The following NEK5 variants were observed in gnomAD, a reference collection of about 807,000 sequenced individuals.
The protein encoded by NEK5 is NIMA related kinase 5.
In NEK5, 88 loss-of-function variants were observed where a neutral mutation model predicts 109.2. The ratio of observed to expected loss-of-function variants is 0.81; its 90% confidence interval spans 0.68 to 0.96. The LOEUF is 0.96. Among genes scored for constraint, NEK5 ranks in the 40% least tolerant of loss-of-function variants. The pLI is 0.00. For missense variants in NEK5, 834 were observed against 920.7 expected, an observed-to-expected ratio of 0.91 and a Z score of 1.22; for synonymous variants, 283 against 299.9, an observed-to-expected ratio of 0.94 and a Z score of 0.58.
intron 13 of NEK5, 105 bp from the exon 14 acceptor site, chr13:52,089,418 T>C (rs1955229073): frequency 4.5e-6 from 3 of 671,174 alleles, no homozygotes; most frequent in Non-Finnish European, 7.8e-6. Context: ...AATTCACCAG[T>C]GGCTTGAAGT....
At chr13:52,102,560 G>A (rs1955561888) in intron 9 of NEK5, among the ~76,000 whole-genome samples, 1 of 152,066 alleles carries the variant, frequency 6.6e-6, no homozygotes, top group Non-Finnish European at 1.5e-5. Context: ...GGGCTTGGTG[G>A]CATGAGCCTG....
chr13:52,092,025 C>A (rs1202604576), intron 13 of NEK5, among the ~76,000 whole-genome samples: 2 of 151,910 alleles, frequency 1.3e-5, no homozygotes, highest in Non-Finnish European at 2.9e-5. Flanking sequence ...ATTTTTTCAC[C>A]TGCCATATAG....
chr13:52,088,389 G>T (rs1955201325), intron 14 of NEK5, among the ~76,000 whole-genome samples: 1 of 151,868 alleles, frequency 6.6e-6, no homozygotes, highest in Non-Finnish European at 1.5e-5. Flanking sequence ...CAAGTAGCTG[G>T]GATTACAGGT....
chr13:52,057,565 C>A (rs1215361662), intron 22 of NEK5, among the ~76,000 whole-genome samples: 1 of 152,032 alleles, frequency 6.6e-6, no homozygotes, highest in Non-Finnish European at 1.5e-5. Context: ...TACTGGCAAA[C>A]CGAATCCAGC....
Position 52,076,147 on chromosome 13 carries a change from A to G in NEK5, c.1573-4T>C, listed in dbSNP as rs1954865580. On this transcript the variant is annotated splice_region_variant and splice_polypyrimidine_tract_variant and intron_variant, in intron 17 of 23. Coordinates refer to ENST00000684899, the MANE Select transcript of NEK5 (RefSeq NM_001365552.1). Reference sequence around the variant, plus strand: ...GTTTCAAGTCTTTTTCAATGTCCTGAAAATTTAGAGAAAAATACAATTCTC... The same window carrying G: ...GTTTCAAGTCTTTTTCAATGTCCTGGAAATTTAGAGAAAAATACAATTCTC... 1 of 1,542,522 alleles carries G rather than the reference A, an allele frequency of 6.5e-7. No individual in the cohort carries two copies. Among genetic ancestry groups the G allele is most frequent in the Non-Finnish European group, 8.9e-7 (1 of 1,123,016 alleles).
At chr13:52,048,623 G>A (rs1033579901) in intron 23 of NEK5, among the ~76,000 whole-genome samples, 5 of 152,156 alleles carry the variant, frequency 3.3e-5, no homozygotes, top group African/African-American at 1.2e-4. Flanking sequence ...TATATATACA[G>A]GATGGAATAC....
In NEK5 at chr13:52,033,785, A is replaced by G. The variant is rs1419393075; in HGVS notation, c.*3163T>C. The G allele has an allele frequency of 1.3e-5, 2 of 152,272 alleles. No homozygotes were observed. Among genetic ancestry groups the G allele is most frequent in the East Asian group, 3.8e-4 (2 of 5,206 alleles). The allele number at this position is 152,272 out of a possible 1,614,324, so 9.4% of individuals were successfully genotyped here. ...AGAATACTTGTGTTTATGTAAATAT[A>G]CCCCAGAGTCCAAAACTCTGATATA... On this transcript the variant is annotated 3_prime_UTR_variant, in exon 24 of 24. Coordinates refer to ENST00000684899, the MANE Select transcript of NEK5 (RefSeq NM_001365552.1).
intron 23 of NEK5, among the ~76,000 whole-genome samples, chr13:52,039,140 A>G (rs1306134656): frequency 2.0e-5 from 3 of 152,212 alleles, no homozygotes; most frequent in African/African-American, 7.2e-5. Flanking sequence ...GGGAGAGAGA[A>G]GGAGAGAAGG....
chr13:52,066,065 A>G (rs1431371776), intron 20 of NEK5, among the ~76,000 whole-genome samples: 1 of 151,968 alleles, frequency 6.6e-6, no homozygotes, highest in Non-Finnish European at 1.5e-5. Flanking sequence ...AATAATTTCA[A>G]TTTTTCCCTT....
chr13:52,114,803 T>A (rs1023231266), intron 4 of NEK5, among the ~76,000 whole-genome samples: 1 of 152,182 alleles, frequency 6.6e-6, no homozygotes, highest in Non-Finnish European at 1.5e-5. Flanking sequence ...TTTAGGAGAA[T>A]TGATGTTTCT....
chr13:52,063,047 TCCCCCTCTCCCCAC>T (rs1197460798), intron 21 of NEK5, among the ~76,000 whole-genome samples: 169 of 150,904 alleles, frequency 1.1e-3, no homozygotes, highest in African/African-American at 3.7e-3. Context: ...CTCCCCACGG[TCCCCCTCTCCCCAC>T]GGTCCCCCTC....
chr13:52,049,223 G>A (rs1043437060), intron 23 of NEK5, among the ~76,000 whole-genome samples: 5 of 152,040 alleles, frequency 3.3e-5, no homozygotes, highest in African/African-American at 9.7e-5. Flanking sequence ...GGGAGTTCAA[G>A]ACCAGCCTGC....
At position 52,104,519 on chromosome 13, in the gene NEK5, C is replaced by T. The variant is rs746839019; in HGVS notation, c.588G>A (p.Glu196=). The T allele has an allele frequency of 2.9e-5, 46 of 1,606,570 alleles. No individual in the cohort carries two copies. Among genetic ancestry groups the T allele is most frequent in the Non-Finnish European group, 3.8e-5 (45 of 1,173,420 alleles). The change falls in exon 9 of 24, where the codon GAG becomes GAA. Residue 196 remains glutamate, a synonymous_variant. Coordinates refer to ENST00000684899, the MANE Select transcript of NEK5 (RefSeq NM_001365552.1). The part of the protein sequence containing the change: ...DIWSLGCVLY[E]LCTLKHPFEG... ...TTACAGGATGTTTAAGTGTGCAGAG[C>T]TCATATAAGACACAGCCAAGAGACC...
rs976931528 is a variant in NEK5 at position 52,055,768 on chromosome 13, G to A, written c.2111-5547C>T. Among the ~76,000 whole-genome samples the A allele has an allele frequency of 7.3e-5, 11 of 150,360 alleles. No homozygotes were observed. In the East Asian group the frequency reaches 7.7e-4, roughly 11 times the overall value. On this transcript the variant is annotated intron_variant, in intron 22 of 23. Transcript: ENST00000684899. ...AATGCTGAGAGATTTTGTCACCACC[G>A]GCCTGCCCTACAAGAGCTCCTGAAG... is the stretch of plus-strand genomic sequence containing the variant.
chr13:52,093,280 C>A (rs1322810046), intron 12 of NEK5, 45 bp from the exon 13 acceptor site: 3 of 1,467,054 alleles, frequency 2.0e-6, no homozygotes, highest in South Asian at 1.2e-5. Flanking sequence ...ATAATACAGG[C>A]TGGGTGCAGT....
chr13:52,044,570 C>T (rs994848513), intron 23 of NEK5, among the ~76,000 whole-genome samples: 2 of 152,118 alleles, frequency 1.3e-5, no homozygotes, highest in Non-Finnish European at 2.9e-5. Flanking sequence ...AGTAAATGAA[C>T]TATCAATATA....
At chr13:52,077,483 G>C (rs1954889616) in intron 17 of NEK5, among the ~76,000 whole-genome samples, 1 of 152,174 alleles carries the variant, frequency 6.6e-6, no homozygotes, top group South Asian at 2.1e-4. Flanking sequence ...GGGAACTGAA[G>C]AGGTGCAGGG....
At chr13:52,091,218 T>C (rs1198410491) in intron 13 of NEK5, among the ~76,000 whole-genome samples, 1 of 152,032 alleles carries the variant, frequency 6.6e-6, no homozygotes, top group Middle Eastern at 3.2e-3. Flanking sequence ...GTGGTCAAAA[T>C]AATTGATAGC....
intron 22 of NEK5, among the ~76,000 whole-genome samples, chr13:52,057,768 C>T (rs1470905613): frequency 1.3e-5 from 2 of 152,084 alleles, no homozygotes; most frequent in Non-Finnish European, 2.9e-5. Context: ...ATGCTAAAAA[C>T]TCTCAATAAA....
Sources: gnomAD v4.1 joint callset for allele counts (sites outside exome capture counted in the v4.1 genomes callset) on GRCh38, gnomAD v4.1.1 for gene constraint, MANE v1.5 for transcripts, NCBI Gene and HGNC (gene_info 2026-07-23, HGNC 2026-07-21) for gene names.